Variants in TULP4 observed in about 807,000 individuals in gnomAD.
TULP4 encodes the protein TUB like protein 4, also known as tubby-related protein 4.
TULP4 carries 16 observed loss-of-function variants against 129.0 expected under a neutral mutation model. The ratio of observed to expected loss-of-function variants is 0.12; its 90% CI spans 0.08 to 0.19. The LOEUF (loss-of-function observed/expected upper bound fraction) is 0.19. Among genes scored for constraint, TULP4 ranks in the 10% least tolerant of loss-of-function variants. TULP4 has a pLI of 1.00. For synonymous variants in TULP4, 998 were observed against 854.0 expected (o/e 1.17, Z -2.94); for missense variants, 1,842 against 2,059.1 (o/e 0.89, Z 2.04).
chr6:158,357,745 G>C (rs538120701), intron 1 of TULP4, among the ~76,000 whole-genome samples: 1 of 152,220 alleles, frequency 6.6e-6, no homozygotes, highest in Non-Finnish European at 1.5e-5. Flanking sequence ...GCCCTCTCCA[G>C]TCACTCTGGT....
chr6:158,465,955 C>T (rs976468982), intron 6 of TULP4, among the ~76,000 whole-genome samples: 16 of 152,138 alleles, frequency 1.1e-4, no homozygotes, highest in South Asian at 2.1e-4. Flanking sequence ...TTAAAACGTT[C>T]GGAAGCTATG....
chr6:158,506,777 C>G lies in TULP4; in HGVS notation c.*83C>G, dbSNP rs1005171117. ...ATGCCAGAGGAGCCCTCTAGGGGTC[C>G]GATGCCTGGGAGGACCAGAAGCCAA... On this transcript the variant is annotated 3_prime_UTR_variant, in exon 14 of 14. Coordinates refer to ENST00000367097, the MANE Select transcript of TULP4 (RefSeq NM_020245.5). The G allele has an allele frequency of 4.1e-6, 4 of 972,822 alleles. No homozygotes were observed. The highest frequency in any genetic ancestry group is 6.4e-6 in the Non-Finnish European group (4 of 622,148). 60.3% of individuals were successfully genotyped at this position (972,822 alleles called of 1,614,324 possible).
chr6:158,504,088 C>T lies in TULP4; in HGVS notation c.4425C>T (p.Asn1475=), dbSNP rs760881603. Residue 1475 remains asparagine (N), a synonymous_variant, in exon 13 of 14, where the codon AAC becomes AAT. Coordinates refer to ENST00000367097, the MANE Select transcript of TULP4 (RefSeq NM_020245.5). ...TGGCCAACAAGCAGCCGCTGTGGAA[C>T]GAGGCCACCCAGGTCTACCAGCTGG... The part of the protein sequence containing the change: ...YVMANKQPLW[N]EATQVYQLDF... 7.5e-6 allele frequency: 12 copies of T among 1,608,350 alleles called. No homozygotes were observed. The highest frequency in any genetic ancestry group is 6.7e-5 in the South Asian group (6 of 90,130).
intron 1 of TULP4, among the ~76,000 whole-genome samples, chr6:158,388,562 C>CTCG (rs1459643432): frequency 6.6e-6 from 1 of 150,674 alleles, no homozygotes; most frequent in Non-Finnish European, 1.5e-5. Flanking sequence ...ATCTCCTGAC[C>CTCG]TCGTGATCCA....
intron 8 of TULP4, among the ~76,000 whole-genome samples, chr6:158,486,870 G>A (rs1488274395): frequency 1.3e-5 from 2 of 152,120 alleles, no homozygotes; most frequent in African/African-American, 4.8e-5. Flanking sequence ...CAGCACTTTG[G>A]GAGGCCAAGG....
chr6:158,339,753 C>G (rs1780136771), intron 1 of TULP4, among the ~76,000 whole-genome samples: 1 of 152,160 alleles, frequency 6.6e-6, no homozygotes, highest in Non-Finnish European at 1.5e-5. Flanking sequence ...CACTGTTATC[C>G]TGTTCTTAAG....
At chr6:158,349,067 C>T (rs1175484488) in intron 1 of TULP4, among the ~76,000 whole-genome samples, 16 of 40,128 alleles carry the variant, frequency 4.0e-4, no homozygotes, top group Middle Eastern at 0.021. Context: ...ACGGGGCGGC[C>T]AGGCAGAGGC....
chr6:158,398,005 A>G (rs1428227799), intron 1 of TULP4: 1 of 152,230 alleles, frequency 6.6e-6, no homozygotes, highest in Non-Finnish European at 1.5e-5. Context: ...TTATTTTGGT[A>G]TATAAAATAT....
upstream of TULP4, among the ~76,000 whole-genome samples, chr6:158,311,866 G>A (rs760015623): frequency 7.2e-5 from 11 of 152,290 alleles, no homozygotes; most frequent in Admixed American, 1.3e-4. Context: ...GTTGTGTGTT[G>A]TCTTGAGTCT....
chr6:158,297,377 G>T (rs956911737), intron 1 of TULP4, among the ~76,000 whole-genome samples: 2 of 151,988 alleles, frequency 1.3e-5, no homozygotes, highest in Admixed American at 1.3e-4. Context: ...ATTTCATATT[G>T]TTCAAACACA....
At chr6:158,308,939 CCA>C (rs1779275760), upstream of TULP4, among the ~76,000 whole-genome samples, 1 of 139,172 alleles carries the variant, frequency 7.2e-6, no homozygotes, top group Non-Finnish European at 1.6e-5. Flanking sequence ...GGGGGCTGAC[CCA>C]CCCACCTCCC....
At chr6:158,498,280 C>T (rs1780373159) in intron 11 of TULP4, among the ~76,000 whole-genome samples, 1 of 152,240 alleles carries the variant, frequency 6.6e-6, no homozygotes, top group African/African-American at 2.4e-5. Flanking sequence ...GTCTGGTTGT[C>T]ACAACTATTT....
At chr6:158,239,487 G>C (rs1394429087) in intron 1 of TULP4, among the ~76,000 whole-genome samples, 2 of 60,208 alleles carry the variant, frequency 3.3e-5, no homozygotes, top group Admixed American at 1.7e-4. Context: ...CCTCCCGGAC[G>C]GGGAGGCTGG....
chr6:158,500,137 G>C (rs1424491459), intron 12 of TULP4, among the ~76,000 whole-genome samples: 1 of 152,232 alleles, frequency 6.6e-6, no homozygotes, highest in Non-Finnish European at 1.5e-5. Context: ...CCAAGGTTCA[G>C]CTGTTGCTGC....
intron 11 of TULP4, 103 bp from the exon 12 acceptor site, chr6:158,498,566 T>C (rs960174198): frequency 4.9e-6 from 7 of 1,420,784 alleles, no homozygotes; most frequent in Admixed American, 3.6e-5. Flanking sequence ...TGTCTTCTGA[T>C]GGCAGGGAAA....
intron 2 of TULP4, chr6:158,428,467 T>C (rs1490355734): frequency 1.3e-5 from 2 of 152,252 alleles, no homozygotes; most frequent in East Asian, 3.8e-4. Context: ...AATTGGACTC[T>C]GGTAGGTATG....
chr6:158,504,199 G>A, intron 13 of TULP4, 21 bp downstream of exon 13: 1 of 1,518,384 alleles, frequency 6.6e-7, no homozygotes, highest in Non-Finnish European at 8.9e-7. Context: ...AGACCAGGTG[G>A]CGCTGCGAGC....
rs558937376 is a variant in TULP4 at position 158,306,608 on chromosome 6, A to G, written n.117-5443A>G. 5.9e-5 allele frequency among the ~76,000 whole-genome samples: 9 copies of G among 152,356 alleles called. No homozygotes were observed. The South Asian group carries it at 1.9e-3, about 32-fold the overall frequency. On this transcript the variant is annotated intron_variant and non_coding_transcript_variant, in intron 1 of 1. Coordinates refer to the TULP4 transcript ENST00000432358. ...TAGATTTACATTTTAGAGAGTTAGT[A>G]TATGTCTGTGATTTTTGAACTTTAT... is the stretch of plus-strand genomic sequence containing the variant.
At chr6:158,420,905 T>C (rs1467347077) in intron 2 of TULP4, among the ~76,000 whole-genome samples, 1 of 152,238 alleles carries the variant, frequency 6.6e-6, no homozygotes, top group Non-Finnish European at 1.5e-5. Flanking sequence ...CGTCGAACTC[T>C]GTAAAATATT....
Sources: gnomAD v4.1 joint callset for allele counts (sites outside exome capture counted in the v4.1 genomes callset) on GRCh38, gnomAD v4.1.1 for gene constraint, MANE v1.5 for transcripts, NCBI Gene and HGNC (gene_info 2026-07-23, HGNC 2026-07-21) for gene names.